The following GLI2 variants were observed in gnomAD, a reference collection of about 807,000 sequenced individuals.
The protein encoded by GLI2 is GLI family zinc finger 2.
In GLI2, 22 loss-of-function variants were observed where a neutral mutation model predicts 78.9. The observed-to-expected ratio is 0.28, with a 90% CI of 0.20 to 0.40. The LOEUF (loss-of-function observed/expected upper bound fraction) is 0.40, where lower values mean the gene tolerates loss of function less well. Ranked by LOEUF, GLI2 falls within the 10% of genes least tolerant of loss-of-function variation. The pLI, the probability that GLI2 is intolerant of heterozygous loss-of-function variation, is 1.00. For missense variants in GLI2, 2,097 were observed against 2,213.2 expected (o/e 0.95, Z 1.05); for synonymous variants, 974 against 963.7 (o/e 1.01, Z -0.20).
At chr2:120,910,839 C>T (rs1235117103) in intron 2 of GLI2, among the ~76,000 whole-genome samples, 2 of 152,230 alleles carry the variant, frequency 1.3e-5, no homozygotes, top group Non-Finnish European at 2.9e-5. Flanking sequence ...ACTTAGATGC[C>T]GCTGCATGGC....
chr2:120,974,807 C>A, intron 8 of GLI2, 168 bp from the exon 9 acceptor site: 4 of 845,456 alleles, frequency 4.7e-6, no homozygotes, highest in Admixed American at 1.8e-5. Context: ...TGTGTGTCTG[C>A]ATGCATGTGT....
At chr2:120,972,125 G>A in intron 8 of GLI2, 62 bp downstream of exon 8, 1 of 1,590,406 alleles carries the variant, frequency 6.3e-7, no homozygotes, top group Non-Finnish European at 8.6e-7. Flanking sequence ...GGCTGCCTTG[G>A]GGCTGTACCC....
At chr2:120,824,256 G>A (rs911917301) in intron 2 of GLI2, among the ~76,000 whole-genome samples, 1 of 152,218 alleles carries the variant, frequency 6.6e-6, no homozygotes, top group African/African-American at 2.4e-5. Flanking sequence ...AGGTAAGTAG[G>A]GGGATAGAGA....
intron 3 of GLI2, among the ~76,000 whole-genome samples, chr2:120,943,134 G>A (rs1680543969): frequency 6.6e-6 from 1 of 152,210 alleles, no homozygotes; most frequent in African/African-American, 2.4e-5. Flanking sequence ...CTGGTCATCA[G>A]CTGAGATGGA....
At chr2:120,871,548 C>T (rs1558846403) in intron 2 of GLI2, among the ~76,000 whole-genome samples, 2 of 152,166 alleles carry the variant, frequency 1.3e-5, no homozygotes, top group Admixed American at 6.5e-5. Flanking sequence ...GCTGTCAGAC[C>T]GTGGGTGCTA....
chr2:120,862,813 C>T (rs530600044), intron 2 of GLI2, among the ~76,000 whole-genome samples: 5 of 152,246 alleles, frequency 3.3e-5, no homozygotes, highest in Admixed American at 3.3e-4. Flanking sequence ...GGGCTCCTCC[C>T]GCCTAAGAGG....
intron 3 of GLI2, among the ~76,000 whole-genome samples, chr2:120,929,677 C>T (rs1679857630): frequency 6.6e-6 from 1 of 152,184 alleles, no homozygotes; most frequent in Non-Finnish European, 1.5e-5. Flanking sequence ...TCCAGTTGTC[C>T]TCTGTGTCCC....
chr2:120,863,560 T>C (rs1181094043), intron 2 of GLI2, among the ~76,000 whole-genome samples: 1 of 152,260 alleles, frequency 6.6e-6, no homozygotes, highest in Non-Finnish European at 1.5e-5. Flanking sequence ...ATTGTATTTT[T>C]TAAATAGAGG....
At chr2:120,907,180 C>A (rs1453933118) in intron 2 of GLI2, among the ~76,000 whole-genome samples, 1 of 152,112 alleles carries the variant, frequency 6.6e-6, no homozygotes, top group Non-Finnish European at 1.5e-5. Context: ...TCTCGGAGTC[C>A]CAGAAGACTC....
intron 2 of GLI2, among the ~76,000 whole-genome samples, chr2:120,895,879 G>C (rs1677917990): frequency 6.6e-6 from 1 of 152,198 alleles, no homozygotes; most frequent in Admixed American, 6.5e-5. Flanking sequence ...CACTGTGGTT[G>C]CTATGGTTTT....
At chr2:120,782,733 A>T (rs1284273377) in intron 1 of GLI2, among the ~76,000 whole-genome samples, 1 of 152,220 alleles carries the variant, frequency 6.6e-6, no homozygotes, top group East Asian at 1.9e-4. Flanking sequence ...TGGTCACTAC[A>T]GGATATCTAC....
chr2:120,797,513 C>CATT (rs1684457802), intron 2 of GLI2, 45 bp downstream of exon 2: 1 of 1,577,836 alleles, frequency 6.3e-7, no homozygotes, highest in African/African-American at 1.3e-5. Flanking sequence ...GGGTGTTTTT[C>CATT]ATTAGCCCGT....
Position 120,989,513 on chromosome 2 carries a change from G to A in GLI2, c.3548G>A (p.Ser1183Asn), listed in dbSNP as rs1194754805. The A allele has an allele frequency of 1.9e-6, 3 of 1,611,910 alleles. No individual in the cohort carries two copies. Among genetic ancestry groups the A allele is most frequent in the Non-Finnish European group, 2.5e-6 (3 of 1,179,604 alleles). ...CAGGCTAGCCCTGGGGGCCTGGACA[G>A]CACGCAGCCACACCTGCAGCCCCGC... ...GLQASPGGLD[S>N]TQPHLQPRSG... The change falls in exon 14 of 14, where the codon AGC (serine) becomes AAC (asparagine). Residue 1183 changes from serine (S) to asparagine (N), a missense_variant. Coordinates refer to ENST00000361492, the MANE Select transcript of GLI2 (RefSeq NM_001374353.1).
At chr2:120,960,308 G>A (rs1681492462) in intron 5 of GLI2, among the ~76,000 whole-genome samples, 1 of 152,160 alleles carries the variant, frequency 6.6e-6, no homozygotes, top group African/African-American at 2.4e-5. Context: ...AGGGAGCACT[G>A]TAGGGGAGAG....
intron 2 of GLI2, among the ~76,000 whole-genome samples, chr2:120,812,090 T>C (rs1333661542): frequency 1.3e-5 from 2 of 152,134 alleles, no homozygotes; most frequent in African/African-American, 2.4e-5. Flanking sequence ...CAGCCTTCCT[T>C]GAGACAGGAA....
rs529840444 is a variant in GLI2, at chr2:120,945,495, G to T, written c.255-5748G>T. 2.6e-5 allele frequency among the ~76,000 whole-genome samples: 4 copies of T among 152,300 alleles called. No individual in the cohort carries two copies. The South Asian group carries it at 6.2e-4, about 24-fold the overall frequency. ...ACAGGCCCGAGCACTTATGGCTGGG[G>T]TCTGCCTTGCAGGGTGCCAGGCCCA... On this transcript the variant is annotated intron_variant, in intron 3 of 13. Coordinates refer to ENST00000361492, the MANE Select transcript of GLI2 (RefSeq NM_001374353.1).
chr2:120,814,178 G>A (rs1056232919), intron 2 of GLI2, among the ~76,000 whole-genome samples: 2 of 152,198 alleles, frequency 1.3e-5, no homozygotes, highest in African/African-American at 4.8e-5. Context: ...GTGGGCTTTG[G>A]AGACAGAAAA....
chr2:120,784,888 G>A (rs987734597), intron 1 of GLI2, among the ~76,000 whole-genome samples: 3 of 152,112 alleles, frequency 2.0e-5, no homozygotes, highest in African/African-American at 4.8e-5. Flanking sequence ...CTCTGATGCC[G>A]GTCTCCCCAC....
rs1463153012 is a variant in GLI2 at position 120,779,345 on chromosome 2, TGA to T, written c.-30-17944_-30-17943del. On this transcript the variant is annotated intron_variant, in intron 1 of 13. Transcript: ENST00000361492. ...GAAGGATCTTACACCAGGGTGTGTG[TGA>T]GCCCCTGGCCAGTGCTGGGCAGTAG... Among the ~76,000 whole-genome samples, 4 of 152,304 alleles carry T rather than the reference TGA, an allele frequency of 2.6e-5. No homozygotes were observed. The East Asian group carries it at 7.7e-4, about 29-fold the overall frequency.
Sources: gnomAD v4.1 joint callset for allele counts (sites outside exome capture counted in the v4.1 genomes callset) on GRCh38, gnomAD v4.1.1 for gene constraint, MANE v1.5 for transcripts, NCBI Gene and HGNC (gene_info 2026-07-23, HGNC 2026-07-21) for gene names.